Variants in KAZN observed in about 807,000 individuals in gnomAD.
KAZN encodes the protein kazrin.
A neutral mutation model predicts 87.4 loss-of-function variants in KAZN; 40 were observed. The observed-to-expected ratio is 0.46, with a 90% CI of 0.36 to 0.60. The LOEUF (loss-of-function observed/expected upper bound fraction) is 0.60, where lower values mean the gene tolerates loss of function less well. Ranked by LOEUF, KAZN falls within the 20% of genes least tolerant of loss-of-function variation. The pLI, the probability that KAZN is intolerant of heterozygous loss-of-function variation, is 0.00. For synonymous variants in KAZN, 466 were observed against 458.3 expected, an observed-to-expected ratio of 1.02 and a Z score of -0.22; for missense variants, 898 against 1,073.9, an observed-to-expected ratio of 0.84 and a Z score of 2.29.
chr1:13,901,714 T>G (rs147459488), intron 1 of KAZN, among the ~76,000 whole-genome samples: 209 of 152,376 alleles, frequency 1.4e-3, no homozygotes, highest in African/African-American at 4.9e-3. Flanking sequence ...GCATCAGCGA[T>G]ACTCTTAACC....
chr1:14,589,787 C>T (rs1052249055), intron 2 of KAZN, among the ~76,000 whole-genome samples: 3 of 152,068 alleles, frequency 2.0e-5, no homozygotes, highest in African/African-American at 7.3e-5. Context: ...AATGGGGGCT[C>T]ACGCTGTTCT....
At chr1:14,366,395 CT>C (rs1255824292) in intron 2 of KAZN, among the ~76,000 whole-genome samples, 1 of 152,210 alleles carries the variant, frequency 6.6e-6, no homozygotes, top group Non-Finnish European at 1.5e-5. Flanking sequence ...AATGGTCAGT[CT>C]TTCTCTGTAT....
chr1:14,134,772 A>G (rs1006194198), intron 1 of KAZN, among the ~76,000 whole-genome samples: 1 of 152,012 alleles, frequency 6.6e-6, no homozygotes, highest in Non-Finnish European at 1.5e-5. Context: ...ACTGGCCTTC[A>G]CCTCCTCCCC....
At chr1:14,499,484 T>C (rs1670124239) in intron 2 of KAZN, among the ~76,000 whole-genome samples, 1 of 152,206 alleles carries the variant, frequency 6.6e-6, no homozygotes, top group East Asian at 1.9e-4. Flanking sequence ...TGGGAGGAGC[T>C]GGCTGTGGGC....
chr1:14,151,974 TTTTG>T (rs1162985509), intron 1 of KAZN, among the ~76,000 whole-genome samples: 6 of 152,254 alleles, frequency 3.9e-5, no homozygotes, highest in Admixed American at 1.3e-4. Flanking sequence ...TTTCCTGTTT[TTTTG>T]TTTAAGTTCT....
intron 1 of KAZN, among the ~76,000 whole-genome samples, chr1:14,118,034 C>G (rs529737571): frequency 6.6e-6 from 1 of 152,276 alleles, no homozygotes; most frequent in South Asian, 2.1e-4. Context: ...ATCCCATGGT[C>G]CAGGGGCTTG....
intron 1 of KAZN, among the ~76,000 whole-genome samples, chr1:14,008,018 A>G (rs554910276): frequency 4.2e-4 from 64 of 152,098 alleles, no homozygotes; most frequent in Non-Finnish European, 8.2e-4. Context: ...CTTCCATCTG[A>G]TACATTTCTT....
intron 1 of KAZN, among the ~76,000 whole-genome samples, chr1:14,750,206 A>T (rs12062934): frequency 0.016 from 2,416 of 151,918 alleles, 72 homozygotes; most frequent in African/African-American, 0.052. Flanking sequence ...AAGTTTTTTT[A>T]AAAAAAATGA....
intron 1 of KAZN, among the ~76,000 whole-genome samples, chr1:14,953,675 T>C (rs1006234164): frequency 7.9e-5 from 12 of 152,168 alleles, no homozygotes; most frequent in African/African-American, 2.9e-4. Context: ...ATATTATTGT[T>C]ACTTAGACCT....
chr1:13,899,686 C>T (rs1639174441), intron 1 of KAZN, among the ~76,000 whole-genome samples: 3 of 150,708 alleles, frequency 2.0e-5, no homozygotes, highest in Admixed American at 1.3e-4. Context: ...CACTGTCGCC[C>T]AGGCTGGAGT....
At chr1:14,785,178 G>T (rs1295251936) in intron 1 of KAZN, among the ~76,000 whole-genome samples, 1 of 152,088 alleles carries the variant, frequency 6.6e-6, no homozygotes, top group Non-Finnish European at 1.5e-5. Context: ...AGGAATATAA[G>T]CGTGTCTCAT....
At chr1:14,334,034 C>A (rs894629323) in intron 2 of KAZN, among the ~76,000 whole-genome samples, 3 of 151,766 alleles carry the variant, frequency 2.0e-5, no homozygotes, top group African/African-American at 4.8e-5. Flanking sequence ...GAGGCATGGC[C>A]ATCACAAGGA....
At chr1:14,414,613 CGTGTGTGTGTGTGT>C (rs35972093) in intron 2 of KAZN, among the ~76,000 whole-genome samples, 1 of 150,806 alleles carries the variant, frequency 6.6e-6, no homozygotes, top group Non-Finnish European at 1.5e-5. Flanking sequence ...ATGCACATAC[CGTGTGTGTGTGTGT>C]GTATGTGTGT....
intron 1 of KAZN, among the ~76,000 whole-genome samples, chr1:14,826,332 C>T (rs962559323): frequency 1.3e-5 from 2 of 152,248 alleles, no homozygotes; most frequent in African/African-American, 2.4e-5. Context: ...GTCAGGCGCT[C>T]TGGCGTTGGC....
At chr1:14,717,095 C>A (rs1458525582) in intron 1 of KAZN, among the ~76,000 whole-genome samples, 1 of 150,048 alleles carries the variant, frequency 6.7e-6, no homozygotes, top group Non-Finnish European at 1.5e-5. Context: ...CGCTCTCTCC[C>A]CTAGGCATCT....
At chr1:14,492,994 G>C (rs1296716292) in intron 2 of KAZN, among the ~76,000 whole-genome samples, 1 of 83,194 alleles carries the variant, frequency 1.2e-5, no homozygotes, top group African/African-American at 5.8e-5. Flanking sequence ...TGCCCTGGCT[G>C]TTCCCTCTGC....
upstream of KAZN, among the ~76,000 whole-genome samples, chr1:14,594,205 G>T (rs1236866166): frequency 6.6e-6 from 1 of 152,162 alleles, no homozygotes; most frequent in Non-Finnish European, 1.5e-5. Flanking sequence ...GCTCTCAGCA[G>T]CATCCCAGTC....
At chr1:14,030,635 TACACACAC>T (rs60838104) in intron 1 of KAZN, among the ~76,000 whole-genome samples, 4,007 of 145,028 alleles carry the variant, frequency 0.028, 74 homozygotes, top group Non-Finnish European at 0.034. Flanking sequence ...TGTACACAGA[TACACACAC>T]ACACACACAC....
At position 14,689,822 on chromosome 1, in the gene KAZN, G is replaced by C. The variant is rs546529620; in HGVS notation, c.226+90599G>C. On this transcript the variant is annotated intron_variant, in intron 1 of 14. Transcript: ENST00000376030. ...GAGGGCGTGGTGAGACCCTCAGATGGCAGGAGACCCGTGGAGACCATCAAG... is the reference window on the plus strand; with the variant it reads ...GAGGGCGTGGTGAGACCCTCAGATGCCAGGAGACCCGTGGAGACCATCAAG... 9.8e-5 allele frequency among the ~76,000 whole-genome samples: 15 copies of C among 152,300 alleles called. No individual in the cohort carries two copies. In the South Asian group the frequency reaches 2.9e-3, roughly 29 times the overall value.
Sources: allele counts gnomAD v4.1 joint callset (sites outside exome capture counted in the v4.1 genomes callset), GRCh38; gene constraint gnomAD v4.1.1; transcripts MANE v1.5; gene names NCBI Gene and HGNC (gene_info 2026-07-23, HGNC 2026-07-21).